Variants in OXR1 observed in about 807,000 individuals in gnomAD.
The protein encoded by OXR1 is oxidation resistance protein 1.
In OXR1, 41 loss-of-function variants were observed where a neutral mutation model predicts 104.6. The ratio of observed to expected loss-of-function variants is 0.39; its 90% CI spans 0.31 to 0.51. OXR1 has a LOEUF of 0.51. Among genes scored for constraint, OXR1 ranks in the 20% least tolerant of loss-of-function variants. OXR1 has a pLI of 0.77. For missense variants in OXR1, 955 were observed against 1,031.9 expected (o/e 0.93, Z 1.02); for synonymous variants, 348 against 348.4 (o/e 1.00, Z 0.01).
In OXR1 at chr8:106,752,483, CATT is replaced by C; in HGVS notation, c.*1545_*1547del. 6.6e-6 allele frequency: 1 copy of C among 152,528 alleles called. No individual in the cohort carries two copies. Among genetic ancestry groups the C allele is most frequent in the Non-Finnish European group, 1.5e-5 (1 of 67,906 alleles). The allele number at this position is 152,528 out of a possible 1,614,324, so 9.4% of individuals were successfully genotyped here. On this transcript the variant is annotated 3_prime_UTR_variant, in exon 17 of 17. Coordinates refer to ENST00000517566, the MANE Select transcript of OXR1 (RefSeq NM_001198533.2). ...AATACAGGGCATCATTTCCTTGTCT[CATT>C]ATAAGTTAGTAACAATATATAGATT...
chr8:106,657,003 AG>A (rs1825151203), intron 3 of OXR1, among the ~76,000 whole-genome samples: 1 of 152,068 alleles, frequency 6.6e-6, no homozygotes, highest in African/African-American at 2.4e-5. Flanking sequence ...TCCAAGAAAG[AG>A]GGTTTAATTT....
In OXR1 at chr8:106,324,584, G is replaced by C. The variant is rs1468043807; in HGVS notation, c.-138-34892G>C. On this transcript the variant is annotated intron_variant, in intron 1 of 16. Coordinates refer to ENST00000517566, the MANE Select transcript of OXR1 (RefSeq NM_001198533.2). The stretch of plus-strand genomic sequence containing the variant: ...ACTTTAGAACTCTCTGGCAATACAT[G>C]TTATGCATCCTGTGTTAGTCCTTGG... Among the ~76,000 whole-genome samples the C allele has an allele frequency of 4.0e-5, 6 of 150,802 alleles. No individual in the cohort carries two copies. The East Asian group carries it at 1.2e-3, about 29-fold the overall frequency.
chr8:106,321,168 A>T (rs538992227), intron 1 of OXR1, among the ~76,000 whole-genome samples: 9 of 152,358 alleles, frequency 5.9e-5, no homozygotes, highest in African/African-American at 1.9e-4. Flanking sequence ...AGGTAATATG[A>T]AAAGTAATTT....
At chr8:106,553,042 C>T (rs1815977522) in intron 3 of OXR1, among the ~76,000 whole-genome samples, 1 of 151,912 alleles carries the variant, frequency 6.6e-6, no homozygotes, top group Non-Finnish European at 1.5e-5. Flanking sequence ...TATTTGCCAG[C>T]ATCTTAGGAA....
intron 2 of OXR1, among the ~76,000 whole-genome samples, chr8:106,409,336 G>T (rs1459078234): frequency 6.6e-6 from 1 of 152,074 alleles, no homozygotes; most frequent in Non-Finnish European, 1.5e-5. Context: ...ATTGTGGCTG[G>T]TGCCCATAAT....
rs71307062 is a variant in OXR1, at chr8:106,487,339, CT to C, written c.24-31588del. ...ACTCCCTGATCTAAACCAGGTATTT[CT>C]TTTTTTTTTTTTTTTATGCTGTTTA... On this transcript the variant is annotated intron_variant, in intron 2 of 16. Coordinates refer to ENST00000517566, the MANE Select transcript of OXR1 (RefSeq NM_001198533.2). Among the ~76,000 whole-genome samples the C allele has an allele frequency of 8.6e-3, 1,108 of 129,158 alleles. 14 individuals are homozygous for C. The highest frequency in any genetic ancestry group is 0.028 in the African/African-American group (979 of 35,126). 84.7% of individuals were successfully genotyped at this position (129,158 alleles called of 152,430 possible). A position where few individuals can be genotyped will look rare whatever the true frequency, so the allele number is the denominator to read the frequency against.
chr8:106,731,500 C>A (rs1437555455), intron 11 of OXR1, among the ~76,000 whole-genome samples: 1 of 152,108 alleles, frequency 6.6e-6, no homozygotes, highest in African/African-American at 2.4e-5. Flanking sequence ...GACTTAGGGT[C>A]ACCAAGATTT....
At chr8:106,710,236 T>C (rs1831558707) in intron 9 of OXR1, among the ~76,000 whole-genome samples, 1 of 152,174 alleles carries the variant, frequency 6.6e-6, no homozygotes, top group Admixed American at 6.6e-5. Flanking sequence ...TTAAAACTTC[T>C]ACAGTTATTT....
chr8:106,415,748 T>C (rs898853912), intron 2 of OXR1, among the ~76,000 whole-genome samples: 1 of 152,180 alleles, frequency 6.6e-6, no homozygotes, highest in African/African-American at 2.4e-5. Flanking sequence ...TTTGCCTCTT[T>C]GTCTGCATTC....
chr8:106,293,410 A>G (rs1812840146), intron 1 of OXR1, among the ~76,000 whole-genome samples: 1 of 152,182 alleles, frequency 6.6e-6, no homozygotes, highest in Admixed American at 6.5e-5. Context: ...CATTATTACC[A>G]AGTGGTTTAT....
intron 2 of OXR1, among the ~76,000 whole-genome samples, chr8:106,498,663 G>A (rs577128470): frequency 6.6e-5 from 10 of 152,184 alleles, no homozygotes; most frequent in Middle Eastern, 3.4e-3. Context: ...GAGTGTGGGC[G>A]TGTGTGCTTG....
At chr8:106,572,051 C>G (rs1259272297) in intron 3 of OXR1, among the ~76,000 whole-genome samples, 1 of 152,118 alleles carries the variant, frequency 6.6e-6, no homozygotes, top group Non-Finnish European at 1.5e-5. Context: ...TGCAGGGTCC[C>G]CACTCTTTCA....
intron 2 of OXR1, among the ~76,000 whole-genome samples, chr8:106,518,721 C>T (rs977810163): frequency 6.6e-6 from 1 of 152,046 alleles, no homozygotes; most frequent in Non-Finnish European, 1.5e-5. Context: ...TATTTTAATG[C>T]AATCTTTCAA....
intron 3 of OXR1, among the ~76,000 whole-genome samples, chr8:106,634,942 C>A (rs894187390): frequency 2.0e-5 from 3 of 152,094 alleles, no homozygotes; most frequent in African/African-American, 7.2e-5. Flanking sequence ...AGCTCTAGCC[C>A]TCCCCAGACC....
intron 8 of OXR1, among the ~76,000 whole-genome samples, chr8:106,704,184 A>G (rs1830877835): frequency 6.6e-6 from 1 of 152,044 alleles, no homozygotes; most frequent in Admixed American, 6.6e-5. Context: ...TGTATTAGTT[A>G]TATTTGTAGA....
chr8:106,728,647 C>T (rs1249162293), intron 11 of OXR1, among the ~76,000 whole-genome samples: 1 of 151,928 alleles, frequency 6.6e-6, no homozygotes, highest in Non-Finnish European at 1.5e-5. Context: ...TTTTAAAGGC[C>T]GTTTTATAGT....
At position 106,699,844 on chromosome 8, in the gene OXR1, A is replaced by C. The variant is rs140558283; in HGVS notation, c.676-3062A>C. On this transcript the variant is annotated intron_variant, in intron 7 of 16. Coordinates refer to ENST00000517566, the MANE Select transcript of OXR1 (RefSeq NM_001198533.2). ...TCTTCCTACAAGTTGATTATACAAAAGATTATTTATGTAACAATTATGGAA... is the reference window on the plus strand; with the variant it reads ...TCTTCCTACAAGTTGATTATACAAACGATTATTTATGTAACAATTATGGAA... 7.1e-3 allele frequency among the ~76,000 whole-genome samples: 1,077 copies of C among 152,308 alleles called. 9 individuals carry two copies. The highest frequency in any genetic ancestry group is 9.8e-3 in the Non-Finnish European group (670 of 68,022).
chr8:106,561,761 G>A (rs551628193), intron 3 of OXR1, among the ~76,000 whole-genome samples: 2 of 152,168 alleles, frequency 1.3e-5, no homozygotes, highest in Non-Finnish European at 2.9e-5. Context: ...CCTCTGGGAC[G>A]AAGCTTCCAG....
chr8:106,576,022 A>ACAC (rs1563616860), intron 3 of OXR1, among the ~76,000 whole-genome samples: 3 of 150,524 alleles, frequency 2.0e-5, no homozygotes, highest in South Asian at 2.1e-4. Flanking sequence ...ACACACACAC[A>ACAC]AAACCCTGAA....
Sources: allele counts gnomAD v4.1 joint callset (sites outside exome capture counted in the v4.1 genomes callset), GRCh38; gene constraint gnomAD v4.1.1; transcripts MANE v1.5; gene names NCBI Gene and HGNC (gene_info 2026-07-23, HGNC 2026-07-21).